Variants in SEZ6L observed in about 807,000 individuals in gnomAD.
SEZ6L encodes the protein seizure related 6 homolog like.
In SEZ6L, 37 loss-of-function variants were observed where a neutral mutation model predicts 106.2. That is an observed-to-expected ratio of 0.35 (90% CI 0.27 to 0.46). SEZ6L has a LOEUF of 0.46. SEZ6L is among the 20% of genes least tolerant of loss of function. The pLI is 1.00. For missense variants in SEZ6L, 1,172 were observed against 1,332.8 expected, an observed-to-expected ratio of 0.88 and a Z score of 1.88; for synonymous variants, 541 against 570.4, an observed-to-expected ratio of 0.95 and a Z score of 0.73.
intron 1 of SEZ6L, among the ~76,000 whole-genome samples, chr22:26,229,973 T>A (rs1028544975): frequency 6.6e-6 from 1 of 152,246 alleles, no homozygotes; most frequent in African/African-American, 2.4e-5. Flanking sequence ...AACCCTGGAA[T>A]TGTTCTTAAT....
At chr22:26,313,699 G>A in intron 8 of SEZ6L, 65 bp from the exon 9 acceptor site, 1 of 1,571,370 alleles carries the variant, frequency 6.4e-7, no homozygotes, top group East Asian at 2.3e-5. Flanking sequence ...CACATGGTTA[G>A]CCGCTATGCC....
chr22:26,189,591 G>A (rs911620562), intron 1 of SEZ6L, among the ~76,000 whole-genome samples: 9 of 150,854 alleles, frequency 6.0e-5, no homozygotes, highest in South Asian at 2.1e-4. Flanking sequence ...AACTATTTAC[G>A]TAGCATTTAT....
intron 6 of SEZ6L, 89 bp downstream of exon 6, chr22:26,306,233 G>T (rs2081628019): frequency 7.0e-7 from 1 of 1,430,022 alleles, no homozygotes; most frequent in Non-Finnish European, 9.5e-7. Flanking sequence ...AATGGCTGAA[G>T]CTTTGACCCT....
At chr22:26,289,222 G>A (rs2081033249) in intron 1 of SEZ6L, among the ~76,000 whole-genome samples, 1 of 152,162 alleles carries the variant, frequency 6.6e-6, no homozygotes, top group African/African-American at 2.4e-5. Flanking sequence ...CCACAGCTGG[G>A]TCTTGGAAGC....
At chr22:26,201,983 C>T (rs552965448) in intron 1 of SEZ6L, among the ~76,000 whole-genome samples, 4 of 152,172 alleles carry the variant, frequency 2.6e-5, no homozygotes, top group South Asian at 4.1e-4. Flanking sequence ...GTGCAATCTC[C>T]GCTCACTACA....
intron 13 of SEZ6L, among the ~76,000 whole-genome samples, chr22:26,367,637 TG>T (rs2083866592): frequency 6.6e-6 from 1 of 152,110 alleles, no homozygotes; most frequent in African/African-American, 2.4e-5. Flanking sequence ...GACCTCTGCC[TG>T]CTTTTGACCC....
At chr22:26,220,349 A>G (rs962250219) in intron 1 of SEZ6L, among the ~76,000 whole-genome samples, 4 of 152,330 alleles carry the variant, frequency 2.6e-5, no homozygotes, top group Admixed American at 1.3e-4. Context: ...GTAAGTCAGC[A>G]TCAGTAATAA....
Position 26,314,095 on chromosome 22 carries a change from C to CAG in SEZ6L, c.2015+208_2015+209dup, listed in dbSNP as rs796066126. Among the ~76,000 whole-genome samples, 543 of 136,310 alleles carry CAG rather than the reference C, an allele frequency of 4.0e-3. 1 individual carries two copies. The highest frequency in any genetic ancestry group is 3.8e-3 in the Non-Finnish European group (235 of 61,982). The allele number at this position is 136,310 out of a possible 152,430, so 89.4% of individuals were successfully genotyped here. On this transcript the variant is annotated intron_variant, in intron 9 of 16. Coordinates refer to ENST00000248933, the MANE Select transcript of SEZ6L (RefSeq NM_021115.5). ...ATACACACACACACACACACACACA[C>CAG]AGAGAGAGAGAGAGAGGAGAGAGAG... is the stretch of plus-strand genomic sequence containing the variant.
intron 1 of SEZ6L, chr22:26,244,775 A>G (rs904456202): frequency 6.6e-6 from 1 of 152,174 alleles, no homozygotes; most frequent in Non-Finnish European, 1.5e-5. Context: ...ACTACGCACC[A>G]GGAGCTATAC....
At chr22:26,373,363 G>A in intron 13 of SEZ6L, 88 bp from the exon 14 acceptor site, 1 of 1,126,716 alleles carries the variant, frequency 8.9e-7, no homozygotes, top group Non-Finnish European at 1.3e-6. Flanking sequence ...CATGGCATGG[G>A]CTTTTGCATC....
At chr22:26,269,921 G>GA (rs1569433188) in intron 1 of SEZ6L, among the ~76,000 whole-genome samples, 1 of 152,126 alleles carries the variant, frequency 6.6e-6, no homozygotes, top group African/African-American at 2.4e-5. Flanking sequence ...AAAAGGACCA[G>GA]AAAAAAGAGG....
intron 9 of SEZ6L, among the ~76,000 whole-genome samples, chr22:26,338,585 G>A (rs2082717910): frequency 6.6e-6 from 1 of 151,796 alleles, no homozygotes; most frequent in African/African-American, 2.4e-5. Flanking sequence ...TTTGAGACAG[G>A]GTCTCGCTTC....
rs756116972 is a variant in SEZ6L at position 26,327,010 on chromosome 22, G to A, written c.2015+13108G>A. Reference sequence around the variant, plus strand: ...TTTCCTGGGGGTGTTCTGGCCGCTCGGATTGGCCACGCCAGGGCTTTCGCC... The same window carrying A: ...TTTCCTGGGGGTGTTCTGGCCGCTCAGATTGGCCACGCCAGGGCTTTCGCC... On this transcript the variant is annotated intron_variant, in intron 9 of 16. Transcript: ENST00000248933. Among the ~76,000 whole-genome samples the A allele has an allele frequency of 4.6e-5, 7 of 152,138 alleles. No individual in the cohort carries two copies. In the East Asian group the frequency reaches 5.8e-4, roughly 13 times the overall value.
At chr22:26,305,135 T>A (rs538241783) in intron 5 of SEZ6L, among the ~76,000 whole-genome samples, 1 of 152,216 alleles carries the variant, frequency 6.6e-6, no homozygotes, top group Non-Finnish European at 1.5e-5. Flanking sequence ...ACCACTGCCA[T>A]ATATACACTC....
At chr22:26,348,017 A>C in intron 11 of SEZ6L, 104 bp downstream of exon 11, 1 of 849,330 alleles carries the variant, frequency 1.2e-6, no homozygotes, top group South Asian at 2.3e-5. Flanking sequence ...TAGAATCTGG[A>C]CTCCCCCTCC....
At chr22:26,182,940 C>T (rs958330559) in intron 1 of SEZ6L, among the ~76,000 whole-genome samples, 15 of 152,056 alleles carry the variant, frequency 9.9e-5, no homozygotes, top group South Asian at 2.1e-4. Flanking sequence ...GAATGAGTGA[C>T]GTCAGGAGCA....
chr22:26,334,458 C>T (rs764148926), intron 9 of SEZ6L, among the ~76,000 whole-genome samples: 1 of 152,226 alleles, frequency 6.6e-6, no homozygotes, highest in African/African-American at 2.4e-5. Flanking sequence ...TGGGCCAGTG[C>T]TGCATTCCTT....
At chr22:26,176,940 T>C (rs1225992683) in intron 1 of SEZ6L, among the ~76,000 whole-genome samples, 3 of 152,216 alleles carry the variant, frequency 2.0e-5, no homozygotes, top group Non-Finnish European at 2.9e-5. Context: ...ACACTGATAA[T>C]GCCTGAGTTG....
intron 1 of SEZ6L, 103 bp from the exon 2 acceptor site, chr22:26,292,303 G>A (rs575076074): frequency 2.0e-5 from 17 of 855,254 alleles, no homozygotes; most frequent in African/African-American, 1.5e-4. Flanking sequence ...CCAGCCGGAC[G>A]AGCTTTGGGC....
Sources: gnomAD v4.1 joint callset for allele counts (sites outside exome capture counted in the v4.1 genomes callset) on GRCh38, gnomAD v4.1.1 for gene constraint, MANE v1.5 for transcripts, NCBI Gene and HGNC (gene_info 2026-07-23, HGNC 2026-07-21) for gene names.